Variants in AQR observed in about 807,000 individuals in gnomAD.
The protein encoded by AQR is RNA helicase aquarius.
Under a neutral mutation model 180.5 loss-of-function variants are expected in AQR, and 61 were observed. The ratio of observed to expected loss-of-function variants is 0.34; its 90% CI spans 0.28 to 0.42. AQR has a LOEUF of 0.42. Ranked by LOEUF, AQR falls within the 10% of genes least tolerant of loss-of-function variation. The pLI is 1.00. For synonymous variants in AQR, 551 were observed against 588.8 expected (o/e 0.94, Z 0.93); for missense variants, 1,281 against 1,798.3 (o/e 0.71, Z 5.20).
At chr15:34,863,546 T>C (rs1387175178) in intron 32 of AQR, among the ~76,000 whole-genome samples, 1 of 152,176 alleles carries the variant, frequency 6.6e-6, no homozygotes, top group Admixed American at 6.6e-5. Context: ...ATCCCTAATG[T>C]GAAAGTTCAA....
chr15:34,952,208 T>G (rs1246754723), intron 4 of AQR, among the ~76,000 whole-genome samples: 1 of 152,208 alleles, frequency 6.6e-6, no homozygotes, highest in Non-Finnish European at 1.5e-5. Context: ...GACATTGGTA[T>G]CCCAGCTCTG....
At chr15:34,944,463 G>A in intron 5 of AQR, 35 bp from the exon 6 acceptor site, 1 of 1,560,104 alleles carries the variant, frequency 6.4e-7, no homozygotes. Context: ...ATTTTGTATT[G>A]GCTTGCTCAC....
At chr15:34,910,337 T>C (rs779022703) in intron 16 of AQR, 24 bp from the exon 17 acceptor site, 2 of 1,604,880 alleles carry the variant, frequency 1.2e-6, no homozygotes, top group African/African-American at 2.7e-5. Context: ...AATGGATGAT[T>C]ACTCAAACAA....
intron 6 of AQR, chr15:34,942,980 G>A: frequency 7.4e-7 from 1 of 1,345,738 alleles, no homozygotes; most frequent in South Asian, 1.3e-5. Context: ...TTTCTGTTTA[G>A]TTTCTGATAA....
chr15:34,946,321 T>C (rs1447743077), intron 5 of AQR, among the ~76,000 whole-genome samples: 1 of 152,230 alleles, frequency 6.6e-6, no homozygotes, highest in Non-Finnish European at 1.5e-5. Context: ...AGCATCTGTC[T>C]TGACTTTGGT....
In AQR at chr15:34,886,852, G is replaced by A. The variant is rs565913019; in HGVS notation, c.2682-191C>T. Among the ~76,000 whole-genome samples, 13 of 152,080 alleles carry A rather than the reference G, an allele frequency of 8.5e-5. No homozygotes were observed. In the East Asian group the frequency reaches 9.7e-4, roughly 11 times the overall value. ...AAGCTACTTAAAGTAGGTGGGTCAC[G>A]GTGGTTCACGCCTGTAATCCCAACA... On this transcript the variant is annotated intron_variant, in intron 24 of 34. Transcript: ENST00000156471.
intron 20 of AQR, 68 bp from the exon 21 acceptor site, chr15:34,897,773 T>C (rs1223112500): frequency 6.0e-6 from 9 of 1,503,804 alleles, no homozygotes; most frequent in South Asian, 1.2e-5. Context: ...ATCTGGTGCA[T>C]GACATTGTAT....
intron 16 of AQR, among the ~76,000 whole-genome samples, chr15:34,910,601 C>G (rs1893486106): frequency 6.6e-6 from 1 of 152,086 alleles, no homozygotes; most frequent in Admixed American, 6.5e-5. Context: ...AAAAAGCTAA[C>G]CCTATGTACA....
chr15:34,910,486 A>G (rs1394381362), intron 16 of AQR, among the ~76,000 whole-genome samples, 173 bp from the exon 17 acceptor site: 1 of 152,206 alleles, frequency 6.6e-6, no homozygotes. Context: ...CAAAGTATGC[A>G]AAGTATATAA....
chr15:34,920,280 T>G, intron 14 of AQR, 52 bp downstream of exon 14: 1 of 1,358,368 alleles, frequency 7.4e-7, no homozygotes, highest in South Asian at 1.3e-5. Context: ...TAAGAATGAC[T>G]TTAAAAGGCA....
At chr15:34,921,331 G>A (rs1278510972) in intron 13 of AQR, among the ~76,000 whole-genome samples, 1 of 151,604 alleles carries the variant, frequency 6.6e-6, no homozygotes. Flanking sequence ...CTACTCAGGA[G>A]GCTGAGGCAG....
intron 4 of AQR, among the ~76,000 whole-genome samples, 186 bp from the exon 5 acceptor site, chr15:34,948,570 G>C (rs1357014689): frequency 6.6e-6 from 1 of 152,056 alleles, no homozygotes; most frequent in South Asian, 2.1e-4. Flanking sequence ...TTGGGAGGCC[G>C]AGACGGGTGG....
chr15:34,924,720 C>A (rs1893731945), intron 13 of AQR, among the ~76,000 whole-genome samples: 1 of 152,016 alleles, frequency 6.6e-6, no homozygotes, highest in South Asian at 2.1e-4. Context: ...CGTGAGCTAC[C>A]ACACCCGGCC....
At chr15:34,892,009 G>C (rs945595573) in intron 23 of AQR, among the ~76,000 whole-genome samples, 2 of 152,072 alleles carry the variant, frequency 1.3e-5, no homozygotes, top group Non-Finnish European at 2.9e-5. Flanking sequence ...ATGATCACCA[G>C]AGTAACTGAT....
intron 34 of AQR, among the ~76,000 whole-genome samples, chr15:34,858,216 G>A (rs539003663): frequency 3.3e-4 from 49 of 150,168 alleles, no homozygotes; most frequent in African/African-American, 9.1e-4. Flanking sequence ...ACTCCTGACC[G>A]CAGGTGATCC....
At chr15:34,938,965 C>T (rs780247733) in intron 8 of AQR, 152 bp from the exon 9 acceptor site, 205 of 585,936 alleles carry the variant, frequency 3.5e-4, no homozygotes, top group Middle Eastern at 8.4e-4. Flanking sequence ...CTTCTTCTTT[C>T]TATGTAAATA....
intron 3 of AQR, among the ~76,000 whole-genome samples, chr15:34,957,643 G>A (rs1894339814): frequency 6.6e-6 from 1 of 150,574 alleles, no homozygotes; most frequent in African/African-American, 2.4e-5. Context: ...GGAGGTTGCG[G>A]TGAGCCGAGA....
chr15:34,961,718 CA>C (rs1028403323), intron 2 of AQR, among the ~76,000 whole-genome samples: 5 of 143,592 alleles, frequency 3.5e-5, no homozygotes, highest in Non-Finnish European at 7.6e-5. Context: ...AAGACTGGTT[CA>C]AAACATCTGC....
intron 3 of AQR, among the ~76,000 whole-genome samples, chr15:34,954,934 A>G (rs1894285383): frequency 6.6e-6 from 1 of 152,068 alleles, no homozygotes; most frequent in African/African-American, 2.4e-5. Context: ...ACCAGCATGG[A>G]CAACACGGTG....
Sources: gnomAD v4.1 joint callset for allele counts (sites outside exome capture counted in the v4.1 genomes callset) on GRCh38, gnomAD v4.1.1 for gene constraint, MANE v1.5 for transcripts, NCBI Gene and HGNC (gene_info 2026-07-23, HGNC 2026-07-21) for gene names.